The following KLF8 variants were observed in gnomAD, a reference collection of about 807,000 sequenced individuals.
The protein encoded by KLF8 is Krueppel-like factor 8.
A neutral mutation model predicts 18.2 loss-of-function variants in KLF8; 10 were observed. That is an observed-to-expected ratio of 0.55 (90% confidence interval 0.34 to 0.93). The LOEUF (loss-of-function observed/expected upper bound fraction) is 0.93. Among genes scored for constraint, KLF8 ranks in the 40% least tolerant of loss-of-function variants. The probability of loss-of-function intolerance (pLI) is 0.02; values close to 1 mark genes in which losing one functional copy is unlikely to be tolerated. For missense variants in KLF8, 264 were observed against 277.9 expected (o/e 0.95, Z 0.36); for synonymous variants, 109 against 97.3 (o/e 1.12, Z -0.71).
chrX:56,061,018 T>G, the KLF8 span, among the ~76,000 whole-genome samples: 1 of 111,960 alleles, frequency 8.9e-6, no homozygotes, highest in Admixed American at 9.5e-5. Flanking sequence ...TAGTTTGTAT[T>G]TCTGTGGGAT....
At chrX:56,159,880 C>G in the KLF8 span, among the ~76,000 whole-genome samples, 1 of 111,382 alleles carries the variant, frequency 9.0e-6, no homozygotes, top group Admixed American at 9.6e-5. Context: ...TTTTATGTCT[C>G]TATTTCCTTC....
the KLF8 span, among the ~76,000 whole-genome samples, chrX:56,187,246 T>G: frequency 9.0e-6 from 1 of 111,519 alleles, no homozygotes; most frequent in Non-Finnish European, 1.9e-5. Context: ...TATAAACACC[T>G]CTACGCAAAT....
chrX:56,187,760 C>A, the KLF8 span, among the ~76,000 whole-genome samples: 1 of 110,156 alleles, frequency 9.1e-6, no homozygotes, highest in Non-Finnish European at 1.9e-5. Context: ...TAAACAGAAC[C>A]AAAGAAAAAA....
chrX:56,214,283 C>T, the KLF8 span, among the ~76,000 whole-genome samples: 2 of 112,054 alleles, frequency 1.8e-5, no homozygotes, highest in African/African-American at 6.5e-5. Flanking sequence ...GGGTGGGGCC[C>T]TTGCCAGGGA....
At chrX:55,987,718 T>G in the KLF8 span, among the ~76,000 whole-genome samples, 1 of 112,294 alleles carries the variant, frequency 8.9e-6, no homozygotes, top group African/African-American at 3.2e-5. Context: ...ATATACCCAG[T>G]AATGGGATGG....
the KLF8 span, among the ~76,000 whole-genome samples, chrX:55,912,404 A>G: frequency 1.9e-4 from 21 of 111,447 alleles, no homozygotes; most frequent in Non-Finnish European, 3.2e-4. Context: ...ATCCCATATC[A>G]GAATCCCCAT....
the KLF8 span, among the ~76,000 whole-genome samples, chrX:56,186,499 T>C: frequency 9.0e-6 from 1 of 110,903 alleles, no homozygotes; most frequent in Non-Finnish European, 1.9e-5. Flanking sequence ...TACCCAGGAA[T>C]TGAACTCAGC....
the KLF8 span, among the ~76,000 whole-genome samples, chrX:56,145,042 C>A: frequency 1.4e-4 from 15 of 110,488 alleles, no homozygotes; most frequent in Non-Finnish European, 2.3e-4. Flanking sequence ...ATCCACCCAC[C>A]TTGACATCCC....
chrX:55,964,470 G>C, the KLF8 span, among the ~76,000 whole-genome samples: 1 of 111,190 alleles, frequency 9.0e-6, no homozygotes. Flanking sequence ...TGAGCTACTT[G>C]GGAGGCTGAA....
chrX:56,157,462 C>A, the KLF8 span, among the ~76,000 whole-genome samples: 1 of 110,948 alleles, frequency 9.0e-6, no homozygotes, highest in Admixed American at 9.6e-5. Context: ...GAGGAATCGC[C>A]ACACTGACTT....
chrX:56,039,802 C>T, the KLF8 span, among the ~76,000 whole-genome samples: 1 of 111,309 alleles, frequency 9.0e-6, no homozygotes, highest in Non-Finnish European at 1.9e-5. Flanking sequence ...AACATTGAGT[C>T]TATAAATTAC....
chrX:56,282,200 G>T (rs924420073), intron 5 of KLF8, among the ~76,000 whole-genome samples: 1 of 112,413 alleles, frequency 8.9e-6, no homozygotes, highest in African/African-American at 3.2e-5. Context: ...ACAATTTGTT[G>T]TATAGCCTTC....
chrX:56,098,560 C>A, the KLF8 span, among the ~76,000 whole-genome samples: 1 of 111,065 alleles, frequency 9.0e-6, no homozygotes, highest in African/African-American at 3.3e-5. Context: ...AAATAACTCT[C>A]AACCAGGAAG....
At chrX:56,054,104 G>T in the KLF8 span, among the ~76,000 whole-genome samples, 1 of 107,384 alleles carries the variant, frequency 9.3e-6, no homozygotes, top group Non-Finnish European at 1.9e-5. Flanking sequence ...GTTAAATTGA[G>T]ATCTTTCTTT....
chrX:56,178,936 C>G, the KLF8 span, among the ~76,000 whole-genome samples: 13 of 112,068 alleles, frequency 1.2e-4, no homozygotes, highest in Non-Finnish European at 2.4e-4. Context: ...CAGCATTGTT[C>G]TTTTGGTTGA....
chrX:55,985,202 G>A, the KLF8 span, among the ~76,000 whole-genome samples: 6 of 111,487 alleles, frequency 5.4e-5, no homozygotes, highest in African/African-American at 1.3e-4. Flanking sequence ...ATTTGTCTGT[G>A]CCTATGTCCT....
chrX:56,193,953 A>G, the KLF8 span, among the ~76,000 whole-genome samples: 27 of 112,287 alleles, frequency 2.4e-4, no homozygotes, highest in African/African-American at 8.7e-4. Flanking sequence ...ACATTTTAAA[A>G]TAACTAGAAG....
chrX:56,212,363 C>T, the KLF8 span, among the ~76,000 whole-genome samples: 1 of 111,716 alleles, frequency 9.0e-6, no homozygotes, highest in Non-Finnish European at 1.9e-5. Flanking sequence ...TCCACTGTCT[C>T]TAGGCTTAGT....
chrX:56,089,447 G>A, the KLF8 span, among the ~76,000 whole-genome samples: 1 of 112,045 alleles, frequency 8.9e-6, no homozygotes, highest in African/African-American at 3.2e-5. Context: ...CCTTATGTAT[G>A]ATGCTTGTTT....
Sources: allele counts gnomAD v4.1 joint callset (sites outside exome capture counted in the v4.1 genomes callset), GRCh38; gene constraint gnomAD v4.1.1; transcripts MANE v1.5; gene names NCBI Gene and HGNC (gene_info 2026-07-23, HGNC 2026-07-21).